The following SLC9C1 variants were observed in gnomAD, a reference collection of about 807,000 sequenced individuals.
SLC9C1 encodes the protein sodium/hydrogen exchanger 10.
SLC9C1 carries 97 observed loss-of-function variants against 140.9 expected under a neutral mutation model. The observed-to-expected ratio is 0.69, with a 90% confidence interval of 0.58 to 0.82. SLC9C1 has a LOEUF of 0.82. Among genes scored for constraint, SLC9C1 ranks in the 40% least tolerant of loss-of-function variants. The probability of loss-of-function intolerance (pLI) is 0.00; values close to 1 mark genes in which losing one functional copy is unlikely to be tolerated. For missense variants in SLC9C1, 1,340 were observed against 1,389.3 expected (o/e 0.96, Z 0.56); for synonymous variants, 440 against 442.6 (o/e 0.99, Z 0.07).
chr3:112,201,553 T>C (rs1457824297), intron 18 of SLC9C1, among the ~76,000 whole-genome samples: 2 of 152,006 alleles, frequency 1.3e-5, no homozygotes, highest in Non-Finnish European at 2.9e-5. Flanking sequence ...AAAGTAAATA[T>C]TGCATTCCAC....
intron 28 of SLC9C1, among the ~76,000 whole-genome samples, chr3:112,149,393 G>A (rs1262739854): frequency 6.6e-6 from 1 of 151,464 alleles, no homozygotes; most frequent in African/African-American, 2.4e-5. Context: ...AAAGGATGGG[G>A]TGGGTCAGGC....
At position 112,201,759 on chromosome 3, in the gene SLC9C1, A is replaced by G. The variant is rs2077912129; in HGVS notation, c.2322+491T>C. Among the ~76,000 whole-genome samples, 3 of 152,036 alleles carry G rather than the reference A, an allele frequency of 2.0e-5. 1 individual carries two copies. In the South Asian group the frequency reaches 6.2e-4, roughly 32 times the overall value. ...ACAAAATCAAACTAGGTTTCCCTCTATTTTAATTATTGTTTTCTTTACTTC... is the reference window on the plus strand; with the variant it reads ...ACAAAATCAAACTAGGTTTCCCTCTGTTTTAATTATTGTTTTCTTTACTTC... On this transcript the variant is annotated intron_variant, in intron 18 of 28. Coordinates refer to ENST00000305815, the MANE Select transcript of SLC9C1 (RefSeq NM_183061.3).
At chr3:112,228,304 A>G (rs1051218796) in intron 13 of SLC9C1, among the ~76,000 whole-genome samples, 2 of 152,130 alleles carry the variant, frequency 1.3e-5, no homozygotes, top group African/African-American at 2.4e-5. Context: ...TGGGGAAAGA[A>G]CAGTCTCTTC....
chr3:112,224,283 C>T (rs2078620568), intron 13 of SLC9C1, among the ~76,000 whole-genome samples: 1 of 152,166 alleles, frequency 6.6e-6, no homozygotes, highest in Admixed American at 6.6e-5. Context: ...ATGCACCCTA[C>T]CCAACTGACA....
intron 2 of SLC9C1, 126 bp downstream of exon 2, chr3:112,286,578 G>C: frequency 1.4e-6 from 1 of 705,048 alleles, no homozygotes; most frequent in South Asian, 2.8e-5. Context: ...TGAAAATATT[G>C]AGCTAAAGGT....
At chr3:112,273,686 C>A (rs1239162416) in intron 6 of SLC9C1, among the ~76,000 whole-genome samples, 1 of 152,106 alleles carries the variant, frequency 6.6e-6, no homozygotes, top group Non-Finnish European at 1.5e-5. Flanking sequence ...GGTTGCACAA[C>A]AATGAAGCAC....
chr3:112,168,322 TACAC>T (rs56965031), intron 25 of SLC9C1, among the ~76,000 whole-genome samples: 8,421 of 133,674 alleles, frequency 0.063, 262 homozygotes, highest in Middle Eastern at 0.096. Context: ...CACAAAACAA[TACAC>T]ACACACACAC....
intron 4 of SLC9C1, among the ~76,000 whole-genome samples, chr3:112,278,191 T>C (rs1342776074): frequency 6.6e-6 from 1 of 152,236 alleles, no homozygotes; most frequent in Non-Finnish European, 1.5e-5. Context: ...TTTACAAAAC[T>C]GTTTTGATTA....
intron 26 of SLC9C1, among the ~76,000 whole-genome samples, chr3:112,160,939 C>T (rs2075278841): frequency 1.3e-5 from 2 of 152,074 alleles, no homozygotes; most frequent in Non-Finnish European, 2.9e-5. Context: ...CTGTTGTTTC[C>T]TGACTTTTTA....
chr3:112,152,065 G>T, intron 27 of SLC9C1, 102 bp from the exon 28 acceptor site: 1 of 839,728 alleles, frequency 1.2e-6, no homozygotes, highest in Non-Finnish European at 1.8e-6. Flanking sequence ...GGAGATGAGA[G>T]ACTGAGAAAA....
chr3:112,262,563 G>T (rs184212690), intron 10 of SLC9C1, among the ~76,000 whole-genome samples: 105 of 151,968 alleles, frequency 6.9e-4, no homozygotes, highest in Non-Finnish European at 1.4e-3. Flanking sequence ...AAATGTTTTG[G>T]CTCATAGCAT....
At chr3:112,256,459 T>C (rs992258785) in intron 10 of SLC9C1, among the ~76,000 whole-genome samples, 2 of 151,628 alleles carry the variant, frequency 1.3e-5, no homozygotes, top group African/African-American at 2.4e-5. Flanking sequence ...GAACAGAAGT[T>C]AAGACAAACT....
At chr3:112,281,999 T>C (rs2080370110) in intron 2 of SLC9C1, among the ~76,000 whole-genome samples, 1 of 152,212 alleles carries the variant, frequency 6.6e-6, no homozygotes, top group African/African-American at 2.4e-5. Context: ...ATCTAGTTCA[T>C]GGCCTAATTG....
chr3:112,182,052 G>C, intron 21 of SLC9C1, 81 bp downstream of exon 21: 1 of 1,041,526 alleles, frequency 9.6e-7, no homozygotes, highest in Non-Finnish European at 1.3e-6. Flanking sequence ...TTAAACTAGA[G>C]AGTATCATGG....
intron 20 of SLC9C1, among the ~76,000 whole-genome samples, chr3:112,192,415 T>C (rs1301024878): frequency 6.6e-6 from 1 of 152,236 alleles, no homozygotes; most frequent in Non-Finnish European, 1.5e-5. Context: ...ATCTATATTG[T>C]AGTATATATC....
intron 12 of SLC9C1, among the ~76,000 whole-genome samples, chr3:112,239,354 A>G (rs2079078581): frequency 1.3e-5 from 2 of 152,218 alleles, no homozygotes; most frequent in Non-Finnish European, 2.9e-5. Flanking sequence ...GCCATCTGTC[A>G]CAGCTTTGCT....
intron 20 of SLC9C1, among the ~76,000 whole-genome samples, chr3:112,183,535 C>T (rs2077481709): frequency 6.6e-6 from 1 of 151,028 alleles, no homozygotes; most frequent in Non-Finnish European, 1.5e-5. Flanking sequence ...CAGTGCTCAG[C>T]CGTCTCCTGG....
At chr3:112,220,121 A>G (rs1030124392) in intron 14 of SLC9C1, among the ~76,000 whole-genome samples, 1 of 152,164 alleles carries the variant, frequency 6.6e-6, no homozygotes, top group Non-Finnish European at 1.5e-5. Context: ...GAAAATATTC[A>G]AGCATTATAA....
At chr3:112,243,897 G>T in intron 11 of SLC9C1, 98 bp downstream of exon 11, 1 of 823,952 alleles carries the variant, frequency 1.2e-6, no homozygotes, top group Non-Finnish European at 1.8e-6. Context: ...TCACTATGTT[G>T]CCTAGGCTGT....
Sources: allele counts gnomAD v4.1 joint callset (sites outside exome capture counted in the v4.1 genomes callset), GRCh38; gene constraint gnomAD v4.1.1; transcripts MANE v1.5; gene names NCBI Gene and HGNC (gene_info 2026-07-23, HGNC 2026-07-21).